Variants in RANBP2 observed in about 807,000 individuals in gnomAD.
RANBP2 encodes E3 SUMO-protein ligase RanBP2.
A neutral mutation model predicts 303.6 loss-of-function variants in RANBP2; 57 were observed. That is an observed-to-expected ratio of 0.19 (90% CI 0.15 to 0.23). The LOEUF is 0.23. Ranked by LOEUF, RANBP2 falls within the 10% of genes least tolerant of loss-of-function variation. The pLI is 1.00. For missense variants in RANBP2, 3,138 were observed against 3,780.8 expected, an observed-to-expected ratio of 0.83 and a Z score of 4.46; for synonymous variants, 1,167 against 1,301.5, an observed-to-expected ratio of 0.90 and a Z score of 2.23.
chr2:108,843,148 TTAGAG>T, the RANBP2 span, among the ~76,000 whole-genome samples: 8 of 152,146 alleles, frequency 5.3e-5, no homozygotes, highest in African/African-American at 1.7e-4. Context: ...TATCTGTTCT[TTAGAG>T]TAGTTATTTT....
At chr2:108,946,770 C>T in the RANBP2 span, among the ~76,000 whole-genome samples, 1 of 152,156 alleles carries the variant, frequency 6.6e-6, no homozygotes, top group Non-Finnish European at 1.5e-5. Flanking sequence ...GGGGAAAGCG[C>T]CCCATGATCC....
the RANBP2 span, among the ~76,000 whole-genome samples, chr2:108,867,874 G>A: frequency 1.7e-3 from 252 of 152,292 alleles, 1 homozygote; most frequent in African/African-American, 5.5e-3. Flanking sequence ...TTTTTGTCCC[G>A]TGTAATAAAT....
At chr2:109,319,604 A>G in the RANBP2 span, among the ~76,000 whole-genome samples, 1 of 151,908 alleles carries the variant, frequency 6.6e-6, no homozygotes, top group Non-Finnish European at 1.5e-5. Context: ...AAAGCCCCAC[A>G]CTCCCCCATC....
chr2:108,894,620 A>AATT, the RANBP2 span: 1 of 152,674 alleles, frequency 6.5e-6, no homozygotes, highest in Admixed American at 6.5e-5. Context: ...AGTATTGCAG[A>AATT]ATTATGAATA....
the RANBP2 span, chr2:108,812,921 T>G: frequency 1.2e-6 from 2 of 1,613,224 alleles, no homozygotes; most frequent in African/African-American, 2.7e-5. Context: ...TTTCAAAAAC[T>G]TACAAGGTAA....
intron 1 of RANBP2, among the ~76,000 whole-genome samples, chr2:108,727,589 CTG>C (rs1395664271): frequency 6.8e-6 from 1 of 146,296 alleles, no homozygotes; most frequent in Non-Finnish European, 1.5e-5. Context: ...GGAACATACT[CTG>C]GTTGTATCAG....
At chr2:109,013,829 A>AGG in the RANBP2 span, among the ~76,000 whole-genome samples, 1 of 152,096 alleles carries the variant, frequency 6.6e-6, no homozygotes, top group Admixed American at 6.5e-5. Flanking sequence ...TGCCCACCTC[A>AGG]GCCTCCCAAA....
the RANBP2 span, among the ~76,000 whole-genome samples, chr2:109,033,824 C>T: frequency 3.3e-5 from 5 of 151,542 alleles, no homozygotes; most frequent in East Asian, 2.0e-4. Flanking sequence ...GGTGTGGTGG[C>T]GGGCACCTGT....
At chr2:109,239,541 C>T in the RANBP2 span, among the ~76,000 whole-genome samples, 19 of 152,258 alleles carry the variant, frequency 1.2e-4, no homozygotes, top group East Asian at 3.5e-3. Flanking sequence ...CTCTGCGGTC[C>T]GATGAGGGAC....
the RANBP2 span, among the ~76,000 whole-genome samples, chr2:109,693,879 T>C: frequency 2.6e-5 from 4 of 152,226 alleles, no homozygotes; most frequent in Non-Finnish European, 5.9e-5. Context: ...GGTGCCCATC[T>C]TCAACCTTGG....
chr2:109,312,744 T>G, the RANBP2 span, among the ~76,000 whole-genome samples: 7 of 152,236 alleles, frequency 4.6e-5, no homozygotes, highest in Non-Finnish European at 7.3e-5. Flanking sequence ...CTGTATGGTA[T>G]TTCCACATTT....
chr2:109,247,279 C>T, the RANBP2 span, among the ~76,000 whole-genome samples: 4 of 152,296 alleles, frequency 2.6e-5, no homozygotes, highest in East Asian at 5.8e-4. Flanking sequence ...ATCGGTGACA[C>T]ACCAAGGATG....
the RANBP2 span, among the ~76,000 whole-genome samples, chr2:109,222,437 T>C: frequency 6.6e-6 from 1 of 152,230 alleles, no homozygotes; most frequent in Non-Finnish European, 1.5e-5. Flanking sequence ...TATCAAAATA[T>C]TATATGTACC....
chr2:109,656,693 C>T, the RANBP2 span, among the ~76,000 whole-genome samples: 25 of 152,256 alleles, frequency 1.6e-4, no homozygotes, highest in African/African-American at 5.3e-4. Context: ...TTATCATATA[C>T]GATTATGTCT....
At chr2:108,842,471 C>T in the RANBP2 span, among the ~76,000 whole-genome samples, 2 of 152,058 alleles carry the variant, frequency 1.3e-5, no homozygotes, top group Non-Finnish European at 2.9e-5. Context: ...GGCAAGTGCC[C>T]TTATTGGAGT....
chr2:108,997,336 G>T, the RANBP2 span, among the ~76,000 whole-genome samples: 2 of 150,968 alleles, frequency 1.3e-5, no homozygotes, highest in African/African-American at 4.9e-5. Flanking sequence ...AGCTACTCAG[G>T]AGGCTGAGGC....
chr2:108,720,454 A>T (rs891081856), intron 1 of RANBP2, among the ~76,000 whole-genome samples: 1 of 152,098 alleles, frequency 6.6e-6, no homozygotes, highest in Non-Finnish European at 1.5e-5. Flanking sequence ...TCCTCTTTAC[A>T]TGTAAATAAT....
At chr2:109,646,657 ATTTTTTTTTTTT>A in the RANBP2 span, among the ~76,000 whole-genome samples, 4 of 119,014 alleles carry the variant, frequency 3.4e-5, no homozygotes, top group South Asian at 1.2e-3. Context: ...ATGACTGGCT[ATTTTTTTTTTTT>A]TTTTTTTTGT....
the RANBP2 span, among the ~76,000 whole-genome samples, chr2:109,599,350 T>C: frequency 4.7e-5 from 7 of 149,518 alleles, no homozygotes; most frequent in South Asian, 1.3e-3. Flanking sequence ...CCCAGTTACT[T>C]GGGAGGCTGA....
Sources: gnomAD v4.1 joint callset for allele counts (sites outside exome capture counted in the v4.1 genomes callset) on GRCh38, gnomAD v4.1.1 for gene constraint, MANE v1.5 for transcripts, NCBI Gene and HGNC (gene_info 2026-07-23, HGNC 2026-07-21) for gene names.